Variants in TMX2 observed in about 807,000 individuals in gnomAD.
The protein encoded by TMX2 is thioredoxin-related transmembrane protein 2.
TMX2 carries 20 observed loss-of-function variants against 33.4 expected under a neutral mutation model. That is an observed-to-expected ratio of 0.60 (90% CI 0.42 to 0.87). The LOEUF (loss-of-function observed/expected upper bound fraction) is 0.87, where lower values mean the gene tolerates loss of function less well. Among genes scored for constraint, TMX2 ranks in the 40% least tolerant of loss-of-function variants. The pLI is 0.00. For synonymous variants in TMX2, 166 were observed against 140.7 expected (o/e 1.18, Z -1.27); for missense variants, 340 against 370.7 (o/e 0.92, Z 0.68).
In TMX2 at chr11:57,740,261, A is replaced by G. The variant is rs1245865795; in HGVS notation, c.*16A>G. ...GGATAAATAAGATCCTCACTTTGGC[A>G]GTGCTTCCTCTCCTGTCAATTCCAG... is the stretch of plus-strand genomic sequence containing the variant. On this transcript the variant is annotated 3_prime_UTR_variant, in exon 8 of 8. Transcript: ENST00000278422. The G allele has an allele frequency of 1.3e-6, 2 of 1,571,182 alleles. No homozygotes were observed. The highest frequency in any genetic ancestry group is 1.2e-5 in the South Asian group (1 of 83,718).
intron 1 of TMX2, among the ~76,000 whole-genome samples, chr11:57,716,010 AT>A (rs1946974348): frequency 6.6e-6 from 1 of 152,012 alleles, no homozygotes; most frequent in Admixed American, 6.6e-5. Flanking sequence ...CAACCATCCG[AT>A]TTTTCAATCT....
intron 1 of TMX2, among the ~76,000 whole-genome samples, chr11:57,724,911 G>A (rs1175197966): frequency 1.3e-5 from 2 of 151,742 alleles, no homozygotes; most frequent in South Asian, 2.1e-4. Context: ...GGTGGCAGGC[G>A]CCTGTAATCC....
chr11:57,719,668 C>T (rs1160512326), intron 1 of TMX2, among the ~76,000 whole-genome samples: 1 of 151,552 alleles, frequency 6.6e-6, no homozygotes, highest in Non-Finnish European at 1.5e-5. Context: ...AGGTGCACAC[C>T]ACCACGCCCG....
At chr11:57,731,102 A>G (rs928822147) in intron 1 of TMX2, among the ~76,000 whole-genome samples, 19 of 141,642 alleles carry the variant, frequency 1.3e-4, no homozygotes, top group Non-Finnish European at 2.8e-4. Context: ...TAAAAGTGCC[A>G]CTCTTTCCGT....
At position 57,739,033 on chromosome 11, in the gene TMX2, G is replaced by C; in HGVS notation, c.608G>C (p.Ser203Thr). The C allele has an allele frequency of 6.2e-7, 1 of 1,614,126 alleles. No individual in the cohort carries two copies. The highest frequency in any genetic ancestry group is 8.5e-7 in the Non-Finnish European group (1 of 1,180,024). The change falls in exon 6 of 8, where the codon AGT (serine) becomes ACT (threonine). Residue 203 changes from serine (S) to threonine (T), a missense_variant. Ser to Thr is a moderately conservative substitution (Grantham distance 58). Transcript: ENST00000278422. ...KVDVGRYTDV[S>T]TRYKVSTSPL... ...GATGTTGGACGCTATACTGATGTTA[G>C]TACGCGGTATGTAAAGACCTGGGCA... is the stretch of plus-strand genomic sequence containing the variant.
chr11:57,726,400 C>T (rs946645696), intron 1 of TMX2, among the ~76,000 whole-genome samples: 1 of 151,698 alleles, frequency 6.6e-6, no homozygotes, highest in Non-Finnish European at 1.5e-5. Flanking sequence ...GCGACAGAGC[C>T]AGACTCCATC....
intron 1 of TMX2, among the ~76,000 whole-genome samples, chr11:57,713,698 T>C (rs1459538750): frequency 2.0e-5 from 3 of 152,240 alleles, no homozygotes; most frequent in Non-Finnish European, 2.9e-5. Flanking sequence ...TGCAGGAGAA[T>C]GACCCAGTGG....
chr11:57,728,066 T>A (rs1238453632), intron 1 of TMX2, among the ~76,000 whole-genome samples: 1 of 152,262 alleles, frequency 6.6e-6, no homozygotes, highest in East Asian at 1.9e-4. Flanking sequence ...CCAGACCACC[T>A]TGGGCACATG....
At chr11:57,724,549 A>G (rs1947849255) in intron 1 of TMX2, among the ~76,000 whole-genome samples, 1 of 151,960 alleles carries the variant, frequency 6.6e-6, no homozygotes. Flanking sequence ...GGTCTTACAG[A>G]TGCAACCCCA....
chr11:57,736,807 G>T (rs138368815), intron 1 of TMX2, among the ~76,000 whole-genome samples: 1 of 151,574 alleles, frequency 6.6e-6, no homozygotes, highest in East Asian at 1.9e-4. Context: ...AGAAACACAA[G>T]CCCAGGTGGC....
Position 57,733,316 on chromosome 11 carries a change from C to G in TMX2, c.190-4292C>G, listed in dbSNP as rs186574852. ...TGTCGCCCAGGCTGGAGTGCAATAG[C>G]GCTTTCTCGGCTCACTGCAACCTCC... On this transcript the variant is annotated intron_variant, in intron 1 of 7. Coordinates refer to ENST00000278422, the MANE Select transcript of TMX2 (RefSeq NM_015959.4). 5.9e-5 allele frequency among the ~76,000 whole-genome samples: 8 copies of G among 136,538 alleles called. No homozygotes were observed. In the East Asian group the frequency reaches 1.7e-3, roughly 30 times the overall value. The allele number at this position is 136,538 out of a possible 152,430, so 89.6% of individuals were successfully genotyped here.
At chr11:57,717,091 C>T (rs1258659314) in intron 1 of TMX2, among the ~76,000 whole-genome samples, 1 of 149,104 alleles carries the variant, frequency 6.7e-6, no homozygotes, top group South Asian at 2.1e-4. Flanking sequence ...GCGCTCCCCA[C>T]ATCTCAGACG....
At position 57,739,032 on chromosome 11, in the gene TMX2, AGTACGCGGTATGTAAAGACCT is replaced by A. The variant is rs1209396791; in HGVS notation, c.609_614+15del. The A allele has an allele frequency of 1.2e-6, 2 of 1,614,038 alleles. No individual in the cohort carries two copies. Among genetic ancestry groups the A allele is most frequent in the Non-Finnish European group, 1.7e-6 (2 of 1,180,034 alleles). ...GGATGTTGGACGCTATACTGATGTTAGTACGCGGTATGTAAAGACCTGGGCAGAGGGTCTGAGCAGGGAAAT... is the reference window on the plus strand; with the variant it reads ...GGATGTTGGACGCTATACTGATGTTAGGGCAGAGGGTCTGAGCAGGGAAAT... On this transcript the variant is annotated splice_donor_variant and splice_donor_5th_base_variant and coding_sequence_variant and intron_variant, in exon 6 of 8. Transcript: ENST00000278422. LOFTEE classifies it high-confidence loss of function.
At position 57,712,682 on chromosome 11, in the gene TMX2, G is replaced by T. The variant is rs779431722; in HGVS notation, c.64G>T (p.Ala22Ser). Residue 22 changes from alanine (A) to serine (S), a missense_variant, in exon 1 of 8, where the codon GCC becomes TCC. Ala to Ser is a moderately conservative substitution (Grantham distance 99). Around this residue, in one of 3 missense-constraint regions of TMX2, gnomAD observed 106 missense variants for 82.7 expected, o/e 1.28. Coordinates refer to ENST00000278422, the MANE Select transcript of TMX2 (RefSeq NM_015959.4). ...GGTGCCGCGACTTTCACGATGGCTC[G>T]CCCAACCTTACTACCTTCTGTCGGC... is the stretch of plus-strand genomic sequence containing the variant. Reference protein sequence around the residue: ...YSVPRLSRWLAQPYYLLSALL... With the variant: ...YSVPRLSRWLSQPYYLLSALL... 1 of 1,614,128 alleles carries T rather than the reference G, an allele frequency of 6.2e-7. No homozygotes were observed. The highest frequency in any genetic ancestry group is 1.7e-5 in the Admixed American group (1 of 59,996).
chr11:57,734,990 C>T (rs927358417), intron 1 of TMX2, among the ~76,000 whole-genome samples: 4 of 150,988 alleles, frequency 2.6e-5, no homozygotes, highest in Admixed American at 1.3e-4. Context: ...AAAAGCCGGG[C>T]GTGGTGGTGG....
At chr11:57,722,399 T>G (rs1947695251) in intron 1 of TMX2, among the ~76,000 whole-genome samples, 1 of 152,214 alleles carries the variant, frequency 6.6e-6, no homozygotes, top group African/African-American at 2.4e-5. Flanking sequence ...CTTTCTCTTT[T>G]GAAAAGGCCT....
chr11:57,713,854 G>C (rs931984489), intron 1 of TMX2, among the ~76,000 whole-genome samples: 7 of 152,334 alleles, frequency 4.6e-5, no homozygotes, highest in African/African-American at 1.4e-4. Flanking sequence ...TGTTGGGCCT[G>C]CAGAGCAGAC....
intron 7 of TMX2, 66 bp downstream of exon 7, chr11:57,739,326 C>T (rs1281436033): frequency 8.3e-6 from 13 of 1,570,672 alleles, no homozygotes; most frequent in Middle Eastern, 3.4e-4. Flanking sequence ...AAGCCCTACC[C>T]GGGTTTGATT....
chr11:57,738,619 G>A, intron 4 of TMX2, 45 bp from the exon 5 acceptor site: 1 of 1,528,716 alleles, frequency 6.5e-7, no homozygotes, highest in Non-Finnish European at 9.1e-7. Context: ...ACCTTCCCAG[G>A]AGGCTATGTG....
Sources: allele counts gnomAD v4.1 joint callset (sites outside exome capture counted in the v4.1 genomes callset), GRCh38; gene constraint gnomAD v4.1.1; regional missense constraint gnomAD v4.1.1; transcripts MANE v1.5; gene names NCBI Gene and HGNC (gene_info 2026-07-23, HGNC 2026-07-21).